The following NREP variants were observed in gnomAD, a reference collection of about 807,000 sequenced individuals.
NREP encodes the protein neuronal regeneration related protein, also known as neuronal regeneration-related protein.
NREP carries 5 observed loss-of-function variants against 8.6 expected under a neutral mutation model. The observed-to-expected ratio is 0.58, with a 90% CI of 0.30 to 1.22. NREP has a LOEUF of 1.22. Among genes scored for constraint, NREP ranks in the 50% most tolerant of loss-of-function variants. NREP has a pLI of 0.07. For missense variants in NREP, 86 were observed against 82.5 expected, an observed-to-expected ratio of 1.04 and a Z score of -0.17; for synonymous variants, 27 against 28.0, an observed-to-expected ratio of 0.96 and a Z score of 0.11.
intron 2 of NREP, among the ~76,000 whole-genome samples, chr5:111,879,402 A>G (rs938709592): frequency 1.3e-5 from 2 of 152,256 alleles, no homozygotes; most frequent in African/African-American, 4.8e-5. Context: ...AATGGAGAAA[A>G]TAGTTTAACA....
At chr5:111,774,243 G>GGGAGGGAGGGAAGGAGGGAGAGAA (rs1751306346) in intron 2 of NREP, among the ~76,000 whole-genome samples, 1 of 117,124 alleles carries the variant, frequency 8.5e-6, no homozygotes, top group South Asian at 2.4e-4. Context: ...GAAGGAAGAA[G>GGGAGGGAGGGAAGGAGGGAGAGAA]GGAGGGAGGG....
chr5:111,859,870 T>G (rs1753506381), intron 2 of NREP, among the ~76,000 whole-genome samples: 1 of 152,110 alleles, frequency 6.6e-6, no homozygotes, highest in Non-Finnish European at 1.5e-5. Flanking sequence ...TAATTCAGGA[T>G]CAAAGCACAG....
intron 2 of NREP, among the ~76,000 whole-genome samples, chr5:111,845,796 A>C (rs758349929): frequency 2.0e-5 from 3 of 151,990 alleles, no homozygotes; most frequent in Non-Finnish European, 4.4e-5. Context: ...TACAGAGTGC[A>C]TGTAATTCTG....
At chr5:111,761,975 G>A (rs115721341), upstream of NREP, among the ~76,000 whole-genome samples, 2,692 of 152,288 alleles carry the variant, frequency 0.018, 76 homozygotes, top group African/African-American at 0.06. Flanking sequence ...TATTCTGAGA[G>A]TAATTTGGCG....
intron 2 of NREP, among the ~76,000 whole-genome samples, chr5:111,848,124 T>G (rs887884168): frequency 1.3e-5 from 2 of 152,168 alleles, no homozygotes; most frequent in Non-Finnish European, 2.9e-5. Context: ...CATGTCTGAT[T>G]TATGGTCTTG....
chr5:111,732,297 T>C (rs1387893162), intron 3 of NREP: 2 of 152,142 alleles, frequency 1.3e-5, no homozygotes, highest in African/African-American at 2.4e-5. Flanking sequence ...AGGGGTGAAC[T>C]AAATGCAACA....
intron 1 of NREP, among the ~76,000 whole-genome samples, chr5:111,975,604 G>C (rs1371686189): frequency 6.6e-6 from 1 of 152,030 alleles, no homozygotes; most frequent in Non-Finnish European, 1.5e-5. Context: ...AAGGGGTGTG[G>C]TTCTAAAAAA....
intron 2 of NREP, among the ~76,000 whole-genome samples, chr5:111,955,234 C>A: frequency 6.6e-6 from 1 of 152,200 alleles, no homozygotes; most frequent in East Asian, 1.9e-4. Context: ...CATCTCAATA[C>A]CTGGGATTAT....
intron 2 of NREP, among the ~76,000 whole-genome samples, chr5:111,814,703 A>T (rs1011404528): frequency 6.6e-6 from 1 of 152,130 alleles, no homozygotes; most frequent in Non-Finnish European, 1.5e-5. Context: ...ACTGGGAGAG[A>T]CTGAGATTTA....
intron 2 of NREP, among the ~76,000 whole-genome samples, chr5:111,764,065 T>C (rs1386486397): frequency 6.6e-6 from 1 of 152,208 alleles, no homozygotes; most frequent in Non-Finnish European, 1.5e-5. Context: ...ATTCCATACA[T>C]ACTAAATATA....
At chr5:111,892,430 A>G (rs1455669869) in intron 2 of NREP, among the ~76,000 whole-genome samples, 3 of 152,238 alleles carry the variant, frequency 2.0e-5, no homozygotes, top group African/African-American at 7.2e-5. Flanking sequence ...AGAGTCACTC[A>G]GGGCACAATC....
At chr5:111,783,138 G>A (rs1156504924) in intron 2 of NREP, among the ~76,000 whole-genome samples, 7 of 152,064 alleles carry the variant, frequency 4.6e-5, no homozygotes, top group Non-Finnish European at 8.8e-5. Flanking sequence ...CCAGACTATA[G>A]GTGACACTCT....
chr5:111,878,742 A>T (rs1581184346), intron 2 of NREP, among the ~76,000 whole-genome samples: 1 of 151,872 alleles, frequency 6.6e-6, no homozygotes, highest in Non-Finnish European at 1.5e-5. Context: ...CCTGTCCCCC[A>T]CCCCCCTGCC....
intron 2 of NREP, among the ~76,000 whole-genome samples, chr5:111,962,142 T>C (rs1305578683): frequency 6.6e-6 from 1 of 152,212 alleles, no homozygotes; most frequent in Admixed American, 6.5e-5. Context: ...TCCAGTACCA[T>C]GGCTCTTTTA....
chr5:111,742,530 T>C (rs927436156), intron 2 of NREP, among the ~76,000 whole-genome samples: 8 of 152,080 alleles, frequency 5.3e-5, no homozygotes, highest in African/African-American at 1.9e-4. Flanking sequence ...CTGCTGAGTG[T>C]TTTAAAATTT....
chr5:111,799,454 T>C (rs1677316), intron 2 of NREP, among the ~76,000 whole-genome samples: 17,836 of 152,268 alleles, frequency 0.12, 1,124 homozygotes, highest in East Asian at 0.24. Flanking sequence ...TAAATCCCAT[T>C]TGTGGTTAAC....
chr5:111,860,200 G>A (rs951338096), intron 2 of NREP, among the ~76,000 whole-genome samples: 2 of 152,118 alleles, frequency 1.3e-5, no homozygotes, highest in African/African-American at 4.8e-5. Context: ...TTGGGGAATA[G>A]GAAACACTTC....
intron 2 of NREP, among the ~76,000 whole-genome samples, chr5:111,892,693 C>T (rs1012407628): frequency 4.6e-5 from 7 of 152,088 alleles, no homozygotes; most frequent in East Asian, 1.9e-4. Flanking sequence ...AGTTTGCCTA[C>T]GATCTAATAT....
chr5:111,972,002 G>T (rs1038263092), intron 2 of NREP, among the ~76,000 whole-genome samples: 1 of 151,846 alleles, frequency 6.6e-6, no homozygotes, highest in African/African-American at 2.4e-5. Flanking sequence ...ATTTGATAAG[G>T]GGTTAAATAT....
Sources: gnomAD v4.1 joint callset for allele counts (sites outside exome capture counted in the v4.1 genomes callset) on GRCh38, gnomAD v4.1.1 for gene constraint, MANE v1.5 for transcripts, NCBI Gene and HGNC (gene_info 2026-07-23, HGNC 2026-07-21) for gene names.